The following NTM variants were observed in gnomAD, a reference collection of about 807,000 sequenced individuals.
NTM encodes the protein IgLON family member 2.
NTM carries 13 observed loss-of-function variants against 42.1 expected under a neutral mutation model. The ratio of observed to expected loss-of-function variants is 0.31; its 90% confidence interval spans 0.20 to 0.49. NTM has a LOEUF of 0.49. Ranked by LOEUF, NTM falls within the 20% of genes least tolerant of loss-of-function variation. The pLI is 0.99. For missense variants in NTM, 373 were observed against 452.8 expected, an observed-to-expected ratio of 0.82 and a Z score of 1.60; for synonymous variants, 187 against 179.2, an observed-to-expected ratio of 1.04 and a Z score of -0.35.
intron 4 of NTM, among the ~76,000 whole-genome samples, chr11:132,221,266 A>C (rs2085109950): frequency 6.6e-6 from 1 of 152,212 alleles, no homozygotes; most frequent in African/African-American, 2.4e-5. Flanking sequence ...ATGTGCAAGA[A>C]TGTCGGGGGC....
intron 1 of NTM, among the ~76,000 whole-genome samples, chr11:131,412,901 A>G (rs1218524545): frequency 1.3e-5 from 2 of 152,198 alleles, no homozygotes; most frequent in Non-Finnish European, 2.9e-5. Flanking sequence ...AACCTACACT[A>G]GGAGAACCTT....
At chr11:131,693,543 G>T (rs1592586768) in intron 1 of NTM, among the ~76,000 whole-genome samples, 1 of 152,342 alleles carries the variant, frequency 6.6e-6, no homozygotes, top group South Asian at 2.1e-4. Context: ...AAATCCAGCA[G>T]CTGCAGGATT....
intron 1 of NTM, among the ~76,000 whole-genome samples, chr11:131,609,484 A>T (rs1381075444): frequency 1.3e-5 from 2 of 152,108 alleles, no homozygotes; most frequent in Non-Finnish European, 2.9e-5. Context: ...CAATTTCCCC[A>T]TGTCTGCTTT....
intron 1 of NTM, among the ~76,000 whole-genome samples, chr11:131,443,951 A>C (rs1171248123): frequency 1.3e-5 from 2 of 152,186 alleles, no homozygotes; most frequent in South Asian, 2.1e-4. Flanking sequence ...TCTTTGCTGC[A>C]ACCTCATAAG....
At chr11:132,232,274 G>A (rs998481972) in intron 4 of NTM, among the ~76,000 whole-genome samples, 4 of 152,080 alleles carry the variant, frequency 2.6e-5, no homozygotes, top group Non-Finnish European at 4.4e-5. Context: ...ACCATCTGAT[G>A]ATATATACCA....
At chr11:132,289,996 T>G (rs1281739594) in intron 4 of NTM, among the ~76,000 whole-genome samples, 1 of 152,224 alleles carries the variant, frequency 6.6e-6, no homozygotes, top group African/African-American at 2.4e-5. Context: ...CTGTTCTAAG[T>G]TTAAGCCAGG....
intron 4 of NTM, among the ~76,000 whole-genome samples, chr11:132,264,663 A>G (rs2093069108): frequency 6.6e-6 from 1 of 152,218 alleles, no homozygotes. Flanking sequence ...AGATGAATGA[A>G]TTAAAATAAG....
intron 1 of NTM, among the ~76,000 whole-genome samples, chr11:131,492,816 G>T (rs1485315389): frequency 6.6e-6 from 1 of 152,188 alleles, no homozygotes; most frequent in East Asian, 1.9e-4. Context: ...ACGCAGATCT[G>T]TACTAGATTC....
chr11:131,658,490 G>A (rs1287616356), intron 1 of NTM, among the ~76,000 whole-genome samples: 1 of 152,182 alleles, frequency 6.6e-6, no homozygotes, highest in Non-Finnish European at 1.5e-5. Context: ...ACGTCACTAT[G>A]CTGATGCCCG....
chr11:132,145,402 T>A (rs1408832681), intron 2 of NTM, among the ~76,000 whole-genome samples: 1 of 59,504 alleles, frequency 1.7e-5, no homozygotes, highest in African/African-American at 5.0e-5. Context: ...ATCAGGACAC[T>A]GCTTGTAAAT....
intron 2 of NTM, among the ~76,000 whole-genome samples, chr11:131,995,040 T>C (rs1326539374): frequency 2.0e-5 from 3 of 152,196 alleles, no homozygotes; most frequent in Admixed American, 6.5e-5. Flanking sequence ...ATTTGCATTA[T>C]TGAAATGAGC....
intron 3 of NTM, among the ~76,000 whole-genome samples, chr11:132,154,368 C>G (rs1039358593): frequency 2.0e-5 from 3 of 152,166 alleles, no homozygotes; most frequent in African/African-American, 7.2e-5. Context: ...AGAATACATC[C>G]AATCCCAACT....
chr11:131,621,395 C>T (rs541286307), intron 1 of NTM, among the ~76,000 whole-genome samples: 6 of 152,096 alleles, frequency 3.9e-5, no homozygotes, highest in East Asian at 1.9e-4. Context: ...GGGGCATCTC[C>T]GGAGAAAGCT....
intron 2 of NTM, among the ~76,000 whole-genome samples, chr11:132,071,806 G>T (rs775583432): frequency 6.6e-6 from 1 of 152,058 alleles, no homozygotes; most frequent in African/African-American, 2.4e-5. Flanking sequence ...AAAAAAGTGC[G>T]TTGTATTATA....
At chr11:132,164,518 G>A (rs1175828385) in intron 3 of NTM, among the ~76,000 whole-genome samples, 3 of 152,168 alleles carry the variant, frequency 2.0e-5, no homozygotes, top group Non-Finnish European at 2.9e-5. Context: ...AACTCATTAA[G>A]GATGATGTGT....
Position 132,156,255 on chromosome 11 carries a change from A to G in NTM, c.400+9741A>G, listed in dbSNP as rs117732247. On this transcript the variant is annotated intron_variant, in intron 3 of 8. Transcript: ENST00000683400. The stretch of plus-strand genomic sequence containing the variant: ...GGGACCTCTGCTCCTGGTTCATGCC[A>G]TGTCCTGCCTCACTATTTTCATTCT... Among the ~76,000 whole-genome samples, 698 of 152,238 alleles carry G rather than the reference A, an allele frequency of 4.6e-3. 5 individuals are homozygous for G. The highest frequency in any genetic ancestry group is 0.014 in the Middle Eastern group (4 of 294).
chr11:132,265,546 C>T (rs938864204), intron 4 of NTM, among the ~76,000 whole-genome samples: 3 of 152,146 alleles, frequency 2.0e-5, no homozygotes, highest in Non-Finnish European at 2.9e-5. Flanking sequence ...TGCATAAAAA[C>T]CAGCACTGAT....
At chr11:131,616,385 G>A (rs566225079) in intron 1 of NTM, among the ~76,000 whole-genome samples, 72 of 152,158 alleles carry the variant, frequency 4.7e-4, no homozygotes, top group Non-Finnish European at 8.8e-4. Flanking sequence ...GACCGCGGAC[G>A]GAGGCAAGGG....
chr11:131,682,843 G>A (rs576224698), intron 1 of NTM, among the ~76,000 whole-genome samples: 37 of 152,084 alleles, frequency 2.4e-4, no homozygotes, highest in Admixed American at 1.5e-3. Context: ...ACTGGATCAC[G>A]GTGGCAGCCG....
Sources: allele counts gnomAD v4.1 joint callset (sites outside exome capture counted in the v4.1 genomes callset), GRCh38; gene constraint gnomAD v4.1.1; transcripts MANE v1.5; gene names NCBI Gene and HGNC (gene_info 2026-07-23, HGNC 2026-07-21).